The following ARID1B variants were observed in gnomAD, a reference collection of about 807,000 sequenced individuals.
ARID1B encodes AT-rich interactive domain-containing protein 1B.
A neutral mutation model predicts 212.3 loss-of-function variants in ARID1B; 30 were observed. That is an observed-to-expected ratio of 0.14 (90% confidence interval 0.11 to 0.19). The LOEUF (loss-of-function observed/expected upper bound fraction) is 0.19, where lower values mean the gene tolerates loss of function less well. ARID1B is among the 10% of genes least tolerant of loss of function. The pLI, the probability that ARID1B is intolerant of heterozygous loss-of-function variation, is 1.00. For synonymous variants in ARID1B, 1,402 were observed against 1,301.7 expected, an observed-to-expected ratio of 1.08 and a Z score of -1.66; for missense variants, 2,891 against 3,204.0, an observed-to-expected ratio of 0.90 and a Z score of 2.36.
At chr6:156,830,084 T>G (rs1783042712) in intron 2 of ARID1B, among the ~76,000 whole-genome samples, 1 of 152,194 alleles carries the variant, frequency 6.6e-6, no homozygotes, top group African/African-American at 2.4e-5. Flanking sequence ...AGATGACCAT[T>G]TACCCTCTAG....
At chr6:156,855,983 A>G (rs372973560) in intron 2 of ARID1B, among the ~76,000 whole-genome samples, 12 of 152,288 alleles carry the variant, frequency 7.9e-5, no homozygotes, top group East Asian at 5.8e-4. Flanking sequence ...GTAGCCTACA[A>G]TTTTCACGTA....
At chr6:157,092,184 A>G (rs1785323137) in intron 5 of ARID1B, among the ~76,000 whole-genome samples, 1 of 152,278 alleles carries the variant, frequency 6.6e-6, no homozygotes, top group Admixed American at 6.5e-5. Context: ...TTTGGATGTT[A>G]TACAAAACTA....
Position 157,084,688 on chromosome 6 carries a change from C to T in ARID1B, c.2274C>T (p.Leu758=), listed in dbSNP as rs1171311593. The change falls in exon 5 of 20, where the codon CTC becomes CTT. Residue 758 remains leucine, a synonymous_variant. Coordinates refer to ENST00000636930, the MANE Select transcript of ARID1B (RefSeq NM_001374828.1). ...ATCTGTCTGGCTCCATTGATGACCT[C>T]CCCACGGGAACGGAAGCAACTTTGA... ...LPDLSGSIDD[L]PTGTEATLSS... The T allele has an allele frequency of 1.2e-6, 2 of 1,614,172 alleles. No individual in the cohort carries two copies. The highest frequency in any genetic ancestry group is 2.2e-5 in the South Asian group (2 of 91,076).
chr6:156,779,040 C>A lies in ARID1B; in HGVS notation c.1360C>A (p.Pro454Thr). 1 of 1,227,802 alleles carries A rather than the reference C, an allele frequency of 8.1e-7. No individual in the cohort carries two copies. The highest frequency in any genetic ancestry group is 1.0e-6 in the Non-Finnish European group (1 of 989,452). 76.1% of individuals were successfully genotyped at this position (1,227,802 alleles called of 1,614,324 possible). A position where few individuals can be genotyped will look rare whatever the true frequency, so the allele number is the denominator to read the frequency against. Residue 454 changes from proline (P) to threonine (T), a missense_variant, in exon 1 of 20, where the codon CCC becomes ACC. Physicochemically the swap from Pro to Thr is conservative, Grantham distance 38 (BLOSUM62 -1). Around this residue, in one of 7 missense-constraint regions of ARID1B, gnomAD observed 1,643 missense variants for 1,544.0 expected, o/e 1.06. Coordinates refer to ENST00000636930, the MANE Select transcript of ARID1B (RefSeq NM_001374828.1). ...CGCGGGGTACGGGGTGCTGAGCTCCCCCCGGCAGCAGGGCGGCGGCATGAT... is the reference window on the plus strand; with the variant it reads ...CGCGGGGTACGGGGTGCTGAGCTCCACCCGGCAGCAGGGCGGCGGCATGAT... ...SSAGYGVLSSPRQQGGGMMMG... is the reference protein window; with the variant it reads ...SSAGYGVLSSTRQQGGGMMMG...
intron 16 of ARID1B, among the ~76,000 whole-genome samples, chr6:157,197,448 T>G (rs997065905): frequency 5.3e-5 from 8 of 152,302 alleles, no homozygotes; most frequent in Middle Eastern, 3.4e-3. Context: ...GGTTGAAAAA[T>G]CACGGCTTTA....
intron 4 of ARID1B, among the ~76,000 whole-genome samples, chr6:157,048,093 C>T (rs1192560433): frequency 6.6e-6 from 1 of 152,190 alleles, no homozygotes; most frequent in Non-Finnish European, 1.5e-5. Flanking sequence ...GAAAGCCCTC[C>T]TCCTTCCCTC....
chr6:157,018,276 G>C (rs909394770), intron 4 of ARID1B, among the ~76,000 whole-genome samples: 52 of 130,632 alleles, frequency 4.0e-4, no homozygotes, highest in Non-Finnish European at 7.3e-4. Context: ...GAGTGCAGTG[G>C]TACAACCTCG....
intron 4 of ARID1B, among the ~76,000 whole-genome samples, chr6:157,017,438 T>G (rs1004641705): frequency 4.6e-5 from 7 of 152,204 alleles, no homozygotes; most frequent in Non-Finnish European, 2.9e-5. Context: ...TAGATGACTA[T>G]TAGATTTTAT....
At chr6:156,911,937 T>C (rs1056505973) in intron 3 of ARID1B, among the ~76,000 whole-genome samples, 2 of 152,210 alleles carry the variant, frequency 1.3e-5, no homozygotes, top group African/African-American at 4.8e-5. Flanking sequence ...ACAGAGTTGT[T>C]AGAAAAGGTA....
At chr6:156,789,103 G>C (rs1304462433) in intron 1 of ARID1B, among the ~76,000 whole-genome samples, 1 of 152,210 alleles carries the variant, frequency 6.6e-6, no homozygotes, top group African/African-American at 2.4e-5. Flanking sequence ...CCTAACGAAT[G>C]TATTATTCAT....
intron 4 of ARID1B, chr6:156,936,396 A>G (rs1018116979): frequency 5.3e-5 from 8 of 151,810 alleles, no homozygotes; most frequent in Non-Finnish European, 1.2e-4. Context: ...AATAAATAGT[A>G]TATGGTGATT....
chr6:156,833,064 A>G lies in ARID1B; in HGVS notation c.1986+3643A>G, dbSNP rs113902078. 4.8e-3 allele frequency among the ~76,000 whole-genome samples: 732 copies of G among 152,230 alleles called. 8 individuals carry two copies. Among genetic ancestry groups the G allele is most frequent in the African/African-American group, 0.017 (687 of 41,542 alleles). On this transcript the variant is annotated intron_variant, in intron 2 of 19. Coordinates refer to ENST00000636930, the MANE Select transcript of ARID1B (RefSeq NM_001374828.1). ...AGTTCAGGGGGGAAATGAATTTTCTATGCCTCTGTGGAGAATATTCTGCCT... is the reference window on the plus strand; with the variant it reads ...AGTTCAGGGGGGAAATGAATTTTCTGTGCCTCTGTGGAGAATATTCTGCCT...
intron 4 of ARID1B, among the ~76,000 whole-genome samples, chr6:156,944,985 C>T (rs1436096233): frequency 1.8e-4 from 26 of 147,194 alleles, no homozygotes; most frequent in African/African-American, 3.5e-4. Flanking sequence ...TGTAGTGGCT[C>T]GATCTCGGCT....
intron 1 of ARID1B, among the ~76,000 whole-genome samples, chr6:156,816,133 T>G (rs1781946613): frequency 6.6e-6 from 1 of 152,252 alleles, no homozygotes; most frequent in African/African-American, 2.4e-5. Flanking sequence ...CATTATAGTA[T>G]GGAAATTAAA....
At chr6:156,814,175 G>A (rs1213132185) in intron 1 of ARID1B, among the ~76,000 whole-genome samples, 1 of 152,128 alleles carries the variant, frequency 6.6e-6, no homozygotes, top group Admixed American at 6.5e-5. Context: ...CAGCACTTTG[G>A]GAGGCTGAGG....
chr6:156,891,151 A>G (rs1255108843), intron 2 of ARID1B, among the ~76,000 whole-genome samples: 3 of 152,204 alleles, frequency 2.0e-5, no homozygotes, highest in African/African-American at 7.2e-5. Flanking sequence ...ACCACGCATC[A>G]GCTTAGCATC....
rs188403864 is a variant in ARID1B, at chr6:156,943,180, A to G, written c.2247+7604A>G. Reference sequence around the variant, plus strand: ...GCCTTCTCTAAATTGTTGTAAAATAACTGAATGGTCTTGTTTTCCTTTGTT... The same window carrying G: ...GCCTTCTCTAAATTGTTGTAAAATAGCTGAATGGTCTTGTTTTCCTTTGTT... On this transcript the variant is annotated intron_variant, in intron 4 of 19. Coordinates refer to ENST00000636930, the MANE Select transcript of ARID1B (RefSeq NM_001374828.1). 1.9e-3 allele frequency: 289 copies of G among 152,288 alleles called. 1 individual carries two copies. The highest frequency in any genetic ancestry group is 6.7e-3 in the African/African-American group (277 of 41,550). 9.4% of individuals were successfully genotyped at this position (152,288 alleles called of 1,614,324 possible). A position where few individuals can be genotyped will look rare whatever the true frequency, so the allele number is the denominator to read the frequency against.
At chr6:156,975,116 T>G (rs1777144809) in intron 4 of ARID1B, among the ~76,000 whole-genome samples, 1 of 152,252 alleles carries the variant, frequency 6.6e-6, no homozygotes, top group South Asian at 2.1e-4. Context: ...TCCAAATGAC[T>G]GAACCATTTT....
intron 1 of ARID1B, among the ~76,000 whole-genome samples, chr6:156,781,156 TGAG>T (rs1779237071): frequency 6.6e-6 from 1 of 152,054 alleles, no homozygotes; most frequent in South Asian, 2.1e-4. Context: ...AAAAACGAAA[TGAG>T]GAAACCACAT....
Sources: gnomAD v4.1 joint callset for allele counts (sites outside exome capture counted in the v4.1 genomes callset) on GRCh38, gnomAD v4.1.1 for gene constraint, gnomAD v4.1.1 regional missense constraint, MANE v1.5 for transcripts, NCBI Gene and HGNC (gene_info 2026-07-23, HGNC 2026-07-21) for gene names.